Variants in TTC39C observed in about 807,000 individuals in gnomAD.
TTC39C encodes tetratricopeptide repeat domain 39C, also known as tetratricopeptide repeat protein 39C.
TTC39C carries 33 observed loss-of-function variants against 76.3 expected under a neutral mutation model. The observed-to-expected ratio is 0.43, with a 90% CI of 0.33 to 0.58. The LOEUF is 0.58. Ranked by LOEUF, TTC39C falls within the 20% of genes least tolerant of loss-of-function variation. The pLI, the probability that TTC39C is intolerant of heterozygous loss-of-function variation, is 0.04. For synonymous variants in TTC39C, 254 were observed against 260.6 expected, an observed-to-expected ratio of 0.97 and a Z score of 0.24; for missense variants, 595 against 701.4, an observed-to-expected ratio of 0.85 and a Z score of 1.71.
intron 8 of TTC39C, among the ~76,000 whole-genome samples, chr18:24,119,991 G>A (rs1368376573): frequency 6.8e-6 from 1 of 147,418 alleles, no homozygotes; most frequent in Non-Finnish European, 1.5e-5. Flanking sequence ...GGCAATCCCA[G>A]AACCATACCA....
At chr18:24,125,381 A>T in intron 9 of TTC39C, 46 bp from the exon 10 acceptor site, 1 of 1,611,478 alleles carries the variant, frequency 6.2e-7, no homozygotes, top group Non-Finnish European at 8.5e-7. Flanking sequence ...TTTTTATTTG[A>T]ATTTGTTTTT....
chr18:24,080,920 A>G lies in TTC39C; in HGVS notation c.796A>G (p.Met266Val). ...GATGTATGCAAGCGAAAGTAAGGAC[A>G]TGAAGGCCCCTTTAGCTACGTGAGT... Reference protein sequence around the residue: ...SLMYASESKDMKAPLATLALL... With the variant: ...SLMYASESKDVKAPLATLALL... Residue 266 changes from methionine to valine, a missense_variant, in exon 5 of 14, where the codon ATG becomes GTG. By Grantham distance (21) the Met-to-Val change is conservative. Coordinates refer to ENST00000317571, the MANE Select transcript of TTC39C (RefSeq NM_001135993.2). The G allele has an allele frequency of 1.2e-6, 2 of 1,613,240 alleles. No homozygotes were observed. The highest frequency in any genetic ancestry group is 1.7e-6 in the Non-Finnish European group (2 of 1,179,616).
intron 6 of TTC39C, among the ~76,000 whole-genome samples, chr18:24,092,106 A>AT (rs1283098324): frequency 5.3e-5 from 7 of 131,910 alleles, no homozygotes; most frequent in African/African-American, 1.0e-4. Flanking sequence ...AAAAAAAAAA[A>AT]AAAAAAAAAA....
chr18:24,023,991 TATATATATATA>T (rs2083560513), intron 1 of TTC39C, among the ~76,000 whole-genome samples: 4 of 5,394 alleles, frequency 7.4e-4, no homozygotes, highest in African/African-American at 1.7e-3. Context: ...CATATATATA[TATATATATATA>T]TATATATATA....
intron 6 of TTC39C, among the ~76,000 whole-genome samples, chr18:24,109,006 G>A (rs1289198759): frequency 6.6e-6 from 1 of 151,886 alleles, no homozygotes; most frequent in Non-Finnish European, 1.5e-5. Context: ...TTAAAGACAA[G>A]GTACCTTTCC....
intron 1 of TTC39C, among the ~76,000 whole-genome samples, chr18:24,050,162 A>G (rs978828123): frequency 3.7e-4 from 56 of 152,116 alleles, no homozygotes; most frequent in Middle Eastern, 3.2e-3. Context: ...TGTCCTGTTC[A>G]CCATTTCTCC....
intron 1 of TTC39C, among the ~76,000 whole-genome samples, chr18:24,054,286 A>G (rs1233299157): frequency 6.6e-6 from 1 of 152,160 alleles, no homozygotes; most frequent in Non-Finnish European, 1.5e-5. Context: ...GCTGTCTTGT[A>G]TTGAATCGCC....
chr18:24,015,070 G>C, intron 1 of TTC39C, 32 bp downstream of exon 1: 6 of 1,390,118 alleles, frequency 4.3e-6, no homozygotes, highest in Non-Finnish European at 5.6e-6. Flanking sequence ...CCCCAACCCT[G>C]CAGCGCGCAC....
At chr18:24,126,428 A>T (rs1351338801) in intron 10 of TTC39C, among the ~76,000 whole-genome samples, 3 of 16,622 alleles carry the variant, frequency 1.8e-4, no homozygotes, top group African/African-American at 3.3e-4. Context: ...TATTTCTTTA[A>T]AAAAAAAAAA....
intron 1 of TTC39C, among the ~76,000 whole-genome samples, chr18:24,060,323 T>G (rs1448997340): frequency 6.9e-6 from 1 of 144,492 alleles, no homozygotes; most frequent in Admixed American, 6.9e-5. Context: ...GTTTTTTTTT[T>G]TTTTTTTTTT....
intron 1 of TTC39C, among the ~76,000 whole-genome samples, chr18:24,055,554 A>G (rs1438273220): frequency 6.6e-6 from 1 of 152,120 alleles, no homozygotes; most frequent in Non-Finnish European, 1.5e-5. Context: ...TGTCTATTCA[A>G]GTTCTTTCCC....
intron 1 of TTC39C, among the ~76,000 whole-genome samples, chr18:24,023,934 A>G (rs1203059171): frequency 9.7e-5 from 2 of 20,708 alleles, no homozygotes; most frequent in Non-Finnish European, 6.7e-4. Flanking sequence ...ATAAAATTAC[A>G]TATATATATA....
At chr18:24,125,732 G>A in intron 10 of TTC39C, 182 bp downstream of exon 10, 1 of 698,520 alleles carries the variant, frequency 1.4e-6, no homozygotes, top group Non-Finnish European at 2.3e-6. Context: ...GTGATGGGAG[G>A]AGGAGGCAGC....
chr18:24,077,739 A>T (rs1003127104), intron 4 of TTC39C, among the ~76,000 whole-genome samples: 1 of 152,084 alleles, frequency 6.6e-6, no homozygotes. Flanking sequence ...TTAGATTCCA[A>T]TTGCCTCTGT....
At chr18:24,100,552 C>T (rs2084662237) in intron 6 of TTC39C, among the ~76,000 whole-genome samples, 1 of 152,212 alleles carries the variant, frequency 6.6e-6, no homozygotes, top group African/African-American at 2.4e-5. Context: ...GCTGTAATGA[C>T]AGTGGCACTG....
chr18:24,026,791 G>A (rs1439759733), intron 1 of TTC39C, among the ~76,000 whole-genome samples: 1 of 152,144 alleles, frequency 6.6e-6, no homozygotes, highest in Non-Finnish European at 1.5e-5. Context: ...CCTTCCATCT[G>A]CAGCAGCCAT....
At chr18:24,111,566 TAAA>T (rs56208965) in intron 6 of TTC39C, among the ~76,000 whole-genome samples, 11 of 138,516 alleles carry the variant, frequency 7.9e-5, no homozygotes, top group Admixed American at 7.3e-5. Flanking sequence ...AGACTCTGTC[TAAA>T]AAAAAAAAAA....
At chr18:24,020,010 G>C (rs1303611844) in intron 1 of TTC39C, 3 of 1,428,120 alleles carry the variant, frequency 2.1e-6, no homozygotes, top group Admixed American at 3.3e-5. Context: ...CTTGCAGGCT[G>C]TCCATGATTT....
At chr18:24,017,463 C>T (rs779481131) in intron 1 of TTC39C, among the ~76,000 whole-genome samples, 2 of 152,198 alleles carry the variant, frequency 1.3e-5, no homozygotes, top group Non-Finnish European at 2.9e-5. Context: ...TAAGTGTAAG[C>T]ACTCAATAAA....
Sources: allele counts gnomAD v4.1 joint callset (sites outside exome capture counted in the v4.1 genomes callset), GRCh38; gene constraint gnomAD v4.1.1; transcripts MANE v1.5; gene names NCBI Gene and HGNC (gene_info 2026-07-23, HGNC 2026-07-21).